The following SYT10 variants were observed in gnomAD, a reference collection of about 807,000 sequenced individuals.
The protein encoded by SYT10 is synaptotagmin-10.
In SYT10, 31 loss-of-function variants were observed where a neutral mutation model predicts 51.1. That is an observed-to-expected ratio of 0.61 (90% CI 0.46 to 0.82). The LOEUF is 0.82. Among genes scored for constraint, SYT10 ranks in the 40% least tolerant of loss-of-function variants. SYT10 has a pLI of 0.00. For synonymous variants in SYT10, 233 were observed against 225.9 expected, an observed-to-expected ratio of 1.03 and a Z score of -0.28; for missense variants, 603 against 634.0, an observed-to-expected ratio of 0.95 and a Z score of 0.53.
At chr12:33,391,766 C>T (rs1312824867) in intron 3 of SYT10, among the ~76,000 whole-genome samples, 6 of 152,054 alleles carry the variant, frequency 3.9e-5, no homozygotes, top group Admixed American at 1.3e-4. Context: ...CTTTTTTGCT[C>T]AAAACCATGT....
intron 2 of SYT10, among the ~76,000 whole-genome samples, chr12:33,414,800 A>T (rs1474933409): frequency 6.6e-6 from 1 of 152,248 alleles, no homozygotes; most frequent in African/African-American, 2.4e-5. Flanking sequence ...GCACTCTACC[A>T]GAGAAAGAAA....
chr12:33,406,788 C>T lies in SYT10; in HGVS notation c.1077+1G>A. ...AATATATTGGTGGAATTACTACTTA[C>T]TGTGGTAGCACAGTGAATATCTTTC... is the stretch of plus-strand genomic sequence containing the variant. On this transcript the variant is annotated splice_donor_variant, in intron 3 of 6. Coordinates refer to ENST00000228567, the MANE Select transcript of SYT10 (RefSeq NM_198992.4). LOFTEE classifies it high-confidence loss of function. 1 of 1,593,594 alleles carries T rather than the reference C, an allele frequency of 6.3e-7. No homozygotes were observed. The highest frequency in any genetic ancestry group is 8.5e-7 in the Non-Finnish European group (1 of 1,171,772).
chr12:33,377,764 A>C (rs1866076593), intron 6 of SYT10, among the ~76,000 whole-genome samples: 1 of 150,920 alleles, frequency 6.6e-6, no homozygotes, highest in South Asian at 2.1e-4. Context: ...AGTAGCTTGG[A>C]TTACAGGCGC....
chr12:33,382,539 CTT>C lies in SYT10; in HGVS notation c.1199-21_1199-20del. 1 of 1,562,808 alleles carries C rather than the reference CTT, an allele frequency of 6.4e-7. No individual in the cohort carries two copies. Among genetic ancestry groups the C allele is most frequent in the Non-Finnish European group, 8.6e-7 (1 of 1,161,484 alleles). Reference sequence around the variant, plus strand: ...TAAGGATCTAGGAATAAGAAGATAACTTTATTAAAATAAAAGTAATAGTACAA... The same window carrying C: ...TAAGGATCTAGGAATAAGAAGATAACTATTAAAATAAAAGTAATAGTACAA... On this transcript the variant is annotated intron_variant, in intron 4 of 6. Coordinates refer to ENST00000228567, the MANE Select transcript of SYT10 (RefSeq NM_198992.4).
intron 2 of SYT10, among the ~76,000 whole-genome samples, chr12:33,414,847 T>C (rs1866439392): frequency 6.6e-6 from 1 of 152,204 alleles, no homozygotes; most frequent in South Asian, 2.1e-4. Flanking sequence ...TGAGGGTAGC[T>C]AGATATAGTC....
chr12:33,386,064 C>A (rs1866153990), intron 3 of SYT10, among the ~76,000 whole-genome samples: 1 of 152,104 alleles, frequency 6.6e-6, no homozygotes. Context: ...CGCTCTGTTG[C>A]CCAGGCTGGA....
At chr12:33,417,981 C>CT (rs1363881442) in intron 2 of SYT10, among the ~76,000 whole-genome samples, 1 of 152,198 alleles carries the variant, frequency 6.6e-6, no homozygotes, top group Non-Finnish European at 1.5e-5. Context: ...ATTCACCCTA[C>CT]TTTCTCTTTG....
intron 3 of SYT10, among the ~76,000 whole-genome samples, chr12:33,390,118 T>C (rs1866190724): frequency 6.6e-6 from 1 of 152,230 alleles, no homozygotes; most frequent in East Asian, 1.9e-4. Context: ...GGAGAATGTC[T>C]GGTCAAGCCC....
At position 33,426,636 on chromosome 12, in the gene SYT10, A is replaced by C. The variant is rs1275688474; in HGVS notation, c.152-141T>G. On this transcript the variant is annotated intron_variant, in intron 1 of 6. Coordinates refer to ENST00000228567, the MANE Select transcript of SYT10 (RefSeq NM_198992.4). ...TCAATTTTAAGTTATCTTTGTAGGA[A>C]GAAAAGGTTAATAATCATTCCTGGA... 4.9e-6 allele frequency: 4 copies of C among 821,764 alleles called. No homozygotes were observed. In the East Asian group the frequency reaches 8.5e-5, roughly 17 times the overall value. 50.9% of individuals were successfully genotyped at this position (821,764 alleles called of 1,614,324 possible). A position where few individuals can be genotyped will look rare whatever the true frequency, so the allele number is the denominator to read the frequency against.
intron 4 of SYT10, among the ~76,000 whole-genome samples, chr12:33,384,123 T>C (rs1478885276): frequency 6.6e-6 from 1 of 152,178 alleles, no homozygotes; most frequent in African/African-American, 2.4e-5. Flanking sequence ...CAATAAGTAG[T>C]GTCTCTCTCA....
Position 33,434,345 on chromosome 12 carries a change from G to C in SYT10, c.151+5027C>G, listed in dbSNP as rs73313934. Among the ~76,000 whole-genome samples, 456 of 152,234 alleles carry C rather than the reference G, an allele frequency of 3.0e-3. 2 individuals are homozygous for C. The highest frequency in any genetic ancestry group is 0.01 in the African/African-American group (429 of 41,530). On this transcript the variant is annotated intron_variant, in intron 1 of 6. Transcript: ENST00000228567. ...TTATCATAAACTAGATATTTTGTAT[G>C]TCTATATAGGATATTGTATTAGATA...
At chr12:33,420,170 T>C (rs1449410311) in intron 2 of SYT10, among the ~76,000 whole-genome samples, 1 of 152,208 alleles carries the variant, frequency 6.6e-6, no homozygotes, top group Non-Finnish European at 1.5e-5. Context: ...CTGCAAATAG[T>C]GTATTGAAAT....
At chr12:33,428,114 AG>A (rs1442019530) in intron 1 of SYT10, among the ~76,000 whole-genome samples, 1 of 152,254 alleles carries the variant, frequency 6.6e-6, no homozygotes, top group East Asian at 1.9e-4. Flanking sequence ...AAAAGATTCC[AG>A]AGAACATCAA....
At position 33,426,464 on chromosome 12, in the gene SYT10, G is replaced by A. The variant is rs376500272; in HGVS notation, c.183C>T (p.Val61=). 5 of 1,601,846 alleles carry A rather than the reference G, an allele frequency of 3.1e-6. No homozygotes were observed. Among genetic ancestry groups the A allele is most frequent in the Non-Finnish European group, 4.3e-6 (5 of 1,175,840 alleles). Reference sequence around the variant, plus strand: ...CCAACAAGGCCAGTCCACAAAAGCTGACAACGACAGCTAACAGGCTGACTG... The same window carrying A: ...CCAACAAGGCCAGTCCACAAAAGCTAACAACGACAGCTAACAGGCTGACTG... The part of the protein sequence containing the change: ...DISVSLLAVV[V]SFCGLALLVV... Residue 61 remains valine (V), a synonymous_variant, in exon 2 of 7, where the codon GTC becomes GTT. Transcript: ENST00000228567.
chr12:33,433,493 CA>C, intron 1 of SYT10, among the ~76,000 whole-genome samples: 1 of 152,178 alleles, frequency 6.6e-6, no homozygotes, highest in East Asian at 1.9e-4. Flanking sequence ...AATTTATAAA[CA>C]TATGAAAGGA....
chr12:33,426,989 C>T (rs1866558673), intron 1 of SYT10, among the ~76,000 whole-genome samples: 1 of 152,098 alleles, frequency 6.6e-6, no homozygotes, highest in Non-Finnish European at 1.5e-5. Context: ...GAATGAGACA[C>T]TATTAGTTAC....
At chr12:33,416,439 A>C (rs1462072075) in intron 2 of SYT10, among the ~76,000 whole-genome samples, 3 of 152,110 alleles carry the variant, frequency 2.0e-5, no homozygotes, top group Non-Finnish European at 4.4e-5. Flanking sequence ...TCAAGAAATC[A>C]CACTTCCATT....
chr12:33,379,734 G>A (rs763438034), intron 6 of SYT10, 98 bp downstream of exon 6: 35 of 1,452,642 alleles, frequency 2.4e-5, no homozygotes, highest in Non-Finnish European at 3.0e-5. Flanking sequence ...TTTTAACAAG[G>A]GTGAATACAT....
At chr12:33,430,131 C>T (rs1866584707) in intron 1 of SYT10, among the ~76,000 whole-genome samples, 1 of 152,180 alleles carries the variant, frequency 6.6e-6, no homozygotes, top group Admixed American at 6.5e-5. Context: ...TTTAAAATTG[C>T]TCGAACTCTG....
Sources: gnomAD v4.1 joint callset for allele counts (sites outside exome capture counted in the v4.1 genomes callset) on GRCh38, gnomAD v4.1.1 for gene constraint, MANE v1.5 for transcripts, NCBI Gene and HGNC (gene_info 2026-07-23, HGNC 2026-07-21) for gene names.